Variants in SCIMP observed in about 807,000 individuals in gnomAD.
SCIMP encodes the protein SLP adapter and CSK-interacting membrane protein.
In SCIMP, 18 loss-of-function variants were observed where a neutral mutation model predicts 22.0. The ratio of observed to expected loss-of-function variants is 0.82; its 90% CI spans 0.56 to 1.21. SCIMP has a LOEUF of 1.21. SCIMP is among the 50% of genes most tolerant of loss of function. SCIMP has a pLI of 0.00. For synonymous variants in SCIMP, 53 were observed against 62.2 expected (o/e 0.85, Z 0.70); for missense variants, 155 against 171.2 (o/e 0.91, Z 0.53).
At chr17:5,212,038 ACT>A (rs1567836752) in intron 4 of SCIMP, among the ~76,000 whole-genome samples, 1 of 151,676 alleles carries the variant, frequency 6.6e-6, no homozygotes, top group East Asian at 1.9e-4. Context: ...ACAGAGCGAG[ACT>A]CTGTCTCAAA....
intron 3 of SCIMP, among the ~76,000 whole-genome samples, chr17:5,215,545 C>T (rs1039879225): frequency 6.6e-6 from 1 of 152,008 alleles, no homozygotes; most frequent in Non-Finnish European, 1.5e-5. Flanking sequence ...ACTTCGGAGG[C>T]GGAGGTTGCA....
intron 4 of SCIMP, among the ~76,000 whole-genome samples, chr17:5,212,360 C>T (rs911447894): frequency 3.3e-5 from 5 of 151,880 alleles, no homozygotes; most frequent in Admixed American, 6.6e-5. Flanking sequence ...TTGGGCCGGG[C>T]GCGGTGGCTC....
intron 4 of SCIMP, among the ~76,000 whole-genome samples, chr17:5,212,789 C>G (rs1382183015): frequency 5.3e-5 from 8 of 152,136 alleles, no homozygotes; most frequent in Admixed American, 5.2e-4. Flanking sequence ...AAATATTTTT[C>G]TTAAGTATCG....
chr17:5,232,376 G>GGA (rs2074705804), intron 1 of SCIMP, among the ~76,000 whole-genome samples: 1 of 148,326 alleles, frequency 6.7e-6, no homozygotes, highest in African/African-American at 2.5e-5. Context: ...AAACAGTGCA[G>GGA]TATAAACAGT....
At chr17:5,232,432 C>CAGTATAAACAGT (rs2074709359) in intron 1 of SCIMP, among the ~76,000 whole-genome samples, 135 of 75,440 alleles carry the variant, frequency 1.8e-3, no homozygotes, top group African/African-American at 0.01. Flanking sequence ...GTGTAAACAG[C>CAGTATAAACAGT]GCAGTGTAAA....
chr17:5,214,937 G>C lies in SCIMP; in HGVS notation c.271C>G (p.Leu91Val), dbSNP rs764902822. The C allele has an allele frequency of 1.9e-6, 3 of 1,595,202 alleles. No individual in the cohort carries two copies. In the Admixed American group the frequency reaches 5.0e-5, roughly 27 times the overall value. ...AAAATATACTTACAAGAGTCTTCTA[G>C]AGAAGGCCAATTCCTCGGTGGCAGA... ...PPLPPRNWPS[L>V]EDSSPQEAPS... is the part of the protein sequence containing the mutation. The change falls in exon 4 of 5, where the codon CTA becomes GTA. Residue 91 changes from leucine to valine, a missense_variant. Physicochemically the swap from Leu to Val is conservative, Grantham distance 32. Transcript: ENST00000574081.
intron 1 of SCIMP, among the ~76,000 whole-genome samples, chr17:5,233,523 C>A (rs1597298644): frequency 1.3e-5 from 2 of 152,318 alleles, no homozygotes; most frequent in East Asian, 3.9e-4. Context: ...TAGGCGCCCA[C>A]CACCATGCCC....
intron 1 of SCIMP, among the ~76,000 whole-genome samples, chr17:5,227,394 C>T (rs561285233): frequency 6.6e-6 from 1 of 151,924 alleles, no homozygotes; most frequent in African/African-American, 2.4e-5. Context: ...AGCTCCTCCT[C>T]AGCTACTCAG....
At chr17:5,213,390 G>T in intron 4 of SCIMP, 1 of 249,988 alleles carries the variant, frequency 4.0e-6, no homozygotes, top group Non-Finnish European at 6.3e-6. Flanking sequence ...GGGACTATAA[G>T]TGTGCACCAT....
chr17:5,225,057 T>C (rs889092176), intron 1 of SCIMP, among the ~76,000 whole-genome samples: 2 of 152,172 alleles, frequency 1.3e-5, no homozygotes, highest in African/African-American at 2.4e-5. Flanking sequence ...GAAGCTCCCA[T>C]AGTGGCAAAT....
At chr17:5,233,767 A>C (rs1318175943) in intron 1 of SCIMP, 1 of 152,284 alleles carries the variant, frequency 6.6e-6, no homozygotes, top group African/African-American at 2.4e-5. Context: ...CACACCAGGC[A>C]GTGGGAGTGG....
intron 4 of SCIMP, 59 bp from the exon 5 acceptor site, chr17:5,211,014 AG>A (rs2074522697): frequency 1.3e-6 from 2 of 1,551,310 alleles, no homozygotes. Flanking sequence ...ATATTTTTGA[AG>A]GCAGTGGCTC....
chr17:5,214,391 C>T (rs567186107), intron 4 of SCIMP: 199 of 153,542 alleles, frequency 1.3e-3, no homozygotes, highest in African/African-American at 4.3e-3. Context: ...CCCGTCTCTA[C>T]TAAAAATACA....
At chr17:5,214,561 CA>C (rs1224848731) in intron 4 of SCIMP, 68 of 146,096 alleles carry the variant, frequency 4.7e-4, no homozygotes, top group Non-Finnish European at 6.1e-4. Flanking sequence ...ATCTCAAAAA[CA>C]AAAAAAAGTG....
chr17:5,225,413 C>T lies in SCIMP; in HGVS notation c.22-1957G>A, dbSNP rs148753192. On this transcript the variant is annotated intron_variant, in intron 1 of 4. Coordinates refer to ENST00000574081, the MANE Select transcript of SCIMP (RefSeq NM_207103.3). ...CCAGGAAGCAGAGGTGGCAGTAAGC[C>T]GAGATCACGCCACTACATTCCAGCC... 4.4e-4 allele frequency among the ~76,000 whole-genome samples: 67 copies of T among 151,872 alleles called. 1 individual carries two copies. The East Asian group carries it at 0.011, about 25-fold the overall frequency.
At chr17:5,219,154 C>T (rs567345874) in intron 3 of SCIMP, among the ~76,000 whole-genome samples, 1 of 151,830 alleles carries the variant, frequency 6.6e-6, no homozygotes, top group South Asian at 2.1e-4. Flanking sequence ...CCCGTCTCTA[C>T]TAAAAATACA....
intron 1 of SCIMP, among the ~76,000 whole-genome samples, chr17:5,227,638 T>C (rs1019938123): frequency 2.0e-5 from 3 of 151,946 alleles, no homozygotes; most frequent in Admixed American, 2.0e-4. Context: ...TCCTCTGAGG[T>C]GGGAGGCAAA....
In SCIMP at chr17:5,221,316, G is replaced by T; in HGVS notation, c.180C>A (p.His60Gln). 1 of 1,613,578 alleles carries T rather than the reference G, an allele frequency of 6.2e-7. No homozygotes were observed. Among genetic ancestry groups the T allele is most frequent in the South Asian group, 1.1e-5 (1 of 91,066 alleles). Residue 60 changes from histidine to glutamine, a missense_variant, in exon 3 of 5, where the codon CAC becomes CAA. Coordinates refer to ENST00000574081, the MANE Select transcript of SCIMP (RefSeq NM_207103.3). Reference sequence around the variant, plus strand: ...ACATCTTTTCTTCATCTACTTGCTTGTGTTTCAGGGGCTTGGCAATTTCCC... The same window carrying T: ...ACATCTTTTCTTCATCTACTTGCTTTTGTTTCAGGGGCTTGGCAATTTCCC... ...KKWEIAKPLKHKQVDEEKMYE... is the reference protein window; with the variant it reads ...KKWEIAKPLKQKQVDEEKMYE...
intron 1 of SCIMP, among the ~76,000 whole-genome samples, chr17:5,231,831 G>A (rs2074697326): frequency 6.6e-6 from 1 of 152,136 alleles, no homozygotes; most frequent in South Asian, 2.1e-4. Context: ...GAGGCGGGCG[G>A]ATCACGAGGT....
Sources: allele counts gnomAD v4.1 joint callset (sites outside exome capture counted in the v4.1 genomes callset), GRCh38; gene constraint gnomAD v4.1.1; transcripts MANE v1.5; gene names NCBI Gene and HGNC (gene_info 2026-07-23, HGNC 2026-07-21).